The following GABBR2 variants were observed in gnomAD, a reference collection of about 807,000 sequenced individuals.
GABBR2 encodes gamma-aminobutyric acid type B receptor subunit 2.
A neutral mutation model predicts 105.6 loss-of-function variants in GABBR2; 23 were observed. The ratio of observed to expected loss-of-function variants is 0.22; its 90% CI spans 0.16 to 0.31. The LOEUF is 0.31. Among genes scored for constraint, GABBR2 ranks in the 10% least tolerant of loss-of-function variants. The pLI, the probability that GABBR2 is intolerant of heterozygous loss-of-function variation, is 1.00. For missense variants in GABBR2, 734 were observed against 1,245.5 expected, an observed-to-expected ratio of 0.59 and a Z score of 6.18; for synonymous variants, 478 against 499.7, an observed-to-expected ratio of 0.96 and a Z score of 0.58.
At chr9:98,587,106 G>A (rs1009201941) in intron 1 of GABBR2, among the ~76,000 whole-genome samples, 3 of 152,156 alleles carry the variant, frequency 2.0e-5, no homozygotes, top group African/African-American at 7.2e-5. Context: ...AGTCTTGTGG[G>A]TATTTGATAT....
At chr9:98,360,757 C>A (rs545550528) in intron 13 of GABBR2, among the ~76,000 whole-genome samples, 1 of 152,202 alleles carries the variant, frequency 6.6e-6, no homozygotes, top group East Asian at 1.9e-4. Context: ...CTTGTTTAAA[C>A]GGTCCAGTAG....
At chr9:98,539,073 G>C (rs947114918) in intron 3 of GABBR2, among the ~76,000 whole-genome samples, 7 of 152,216 alleles carry the variant, frequency 4.6e-5, no homozygotes, top group Non-Finnish European at 8.8e-5. Flanking sequence ...GTCAAGACCT[G>C]AGATTACCCA....
At chr9:98,701,686 G>T (rs138910062) in intron 1 of GABBR2, among the ~76,000 whole-genome samples, 4 of 152,088 alleles carry the variant, frequency 2.6e-5, no homozygotes, top group Non-Finnish European at 5.9e-5. Context: ...GGGAGAAAGT[G>T]ACAAACAACT....
At chr9:98,706,893 A>T (rs1444421170) in intron 1 of GABBR2, among the ~76,000 whole-genome samples, 1 of 152,194 alleles carries the variant, frequency 6.6e-6, no homozygotes, top group Non-Finnish European at 1.5e-5. Context: ...CCCCCACAGA[A>T]CTTGAGATGC....
At chr9:98,631,959 A>C (rs543478100) in intron 1 of GABBR2, among the ~76,000 whole-genome samples, 1 of 152,234 alleles carries the variant, frequency 6.6e-6, no homozygotes, top group African/African-American at 2.4e-5. Context: ...GAGGTTATGA[A>C]GCTGAATTAG....
intron 5 of GABBR2, among the ~76,000 whole-genome samples, chr9:98,478,605 T>C (rs950882155): frequency 6.6e-6 from 1 of 152,060 alleles, no homozygotes; most frequent in Non-Finnish European, 1.5e-5. Context: ...CCCCGTACCA[T>C]GTGGAAGGCA....
At chr9:98,467,475 G>A (rs986476335) in intron 6 of GABBR2, among the ~76,000 whole-genome samples, 4 of 152,202 alleles carry the variant, frequency 2.6e-5, no homozygotes, top group African/African-American at 9.7e-5. Context: ...GGGGGGTAGG[G>A]GAGAGAGCAG....
intron 13 of GABBR2, among the ~76,000 whole-genome samples, chr9:98,320,620 C>A (rs1395909431): frequency 6.6e-6 from 1 of 152,148 alleles, no homozygotes; most frequent in Non-Finnish European, 1.5e-5. Context: ...AAATGTGGCA[C>A]ATATACACCA....
intron 7 of GABBR2, among the ~76,000 whole-genome samples, chr9:98,439,723 T>C (rs1262919399): frequency 1.3e-5 from 2 of 152,156 alleles, no homozygotes; most frequent in African/African-American, 4.8e-5. Context: ...AAGCAGCTGG[T>C]TGGGGACCCA....
At chr9:98,446,670 C>A (rs1025697297) in intron 7 of GABBR2, among the ~76,000 whole-genome samples, 2 of 151,508 alleles carry the variant, frequency 1.3e-5, no homozygotes, top group Middle Eastern at 3.4e-3. Context: ...ACATGAGGTA[C>A]AGAGAAAGTT....
In GABBR2 at chr9:98,515,208, A is replaced by G. The variant is rs569385103; in HGVS notation, c.631-18694T>C. 3.3e-5 allele frequency among the ~76,000 whole-genome samples: 5 copies of G among 152,278 alleles called. 1 individual carries two copies. In the South Asian group the frequency reaches 1.0e-3, roughly 32 times the overall value. On this transcript the variant is annotated intron_variant, in intron 3 of 18. Coordinates refer to ENST00000259455, the MANE Select transcript of GABBR2 (RefSeq NM_005458.8). ...AGACGAGACTGCTGCATCTCCAAGG[A>G]ACGTCTCAAATTCTCAAACCTGAGA... is the stretch of plus-strand genomic sequence containing the variant.
intron 1 of GABBR2, among the ~76,000 whole-genome samples, chr9:98,638,569 C>T (rs1453681069): frequency 1.3e-5 from 2 of 152,016 alleles, no homozygotes; most frequent in Non-Finnish European, 2.9e-5. Flanking sequence ...ATACAAAAAC[C>T]CACCAAGAGT....
At chr9:98,403,985 T>C (rs554815481) in intron 8 of GABBR2, among the ~76,000 whole-genome samples, 9 of 152,170 alleles carry the variant, frequency 5.9e-5, no homozygotes, top group African/African-American at 2.2e-4. Context: ...AGCTCTGAAC[T>C]GCTGTTTGCT....
At chr9:98,618,520 C>G (rs1297533448) in intron 1 of GABBR2, among the ~76,000 whole-genome samples, 4 of 147,556 alleles carry the variant, frequency 2.7e-5, no homozygotes, top group South Asian at 2.2e-4. Flanking sequence ...CTCTCTCTCT[C>G]TGTCTCTCTG....
intron 3 of GABBR2, among the ~76,000 whole-genome samples, chr9:98,520,593 C>G (rs780019681): frequency 6.6e-6 from 1 of 152,244 alleles, no homozygotes; most frequent in African/African-American, 2.4e-5. Flanking sequence ...CGTCTGCTGA[C>G]TCACCCAGGA....
intron 15 of GABBR2, among the ~76,000 whole-genome samples, chr9:98,305,609 G>A (rs1301136863): frequency 6.6e-6 from 1 of 152,210 alleles, no homozygotes; most frequent in Non-Finnish European, 1.5e-5. Context: ...GAGCCCAGGA[G>A]TCCAAGACCA....
At chr9:98,325,536 C>G (rs565689505) in intron 13 of GABBR2, among the ~76,000 whole-genome samples, 2 of 152,224 alleles carry the variant, frequency 1.3e-5, no homozygotes, top group African/African-American at 4.8e-5. Context: ...AGGTGATCTA[C>G]CCATCTCGGT....
intron 6 of GABBR2, among the ~76,000 whole-genome samples, chr9:98,464,282 C>T (rs192546490): frequency 5.0e-4 from 75 of 150,432 alleles, no homozygotes; most frequent in African/African-American, 1.6e-3. Context: ...TCTTCCCGGC[C>T]GCCCCGTCTG....
chr9:98,501,125 G>GCC lies in GABBR2; in HGVS notation c.631-4613_631-4612dup, dbSNP rs5899345. Among the ~76,000 whole-genome samples, 230 of 119,212 alleles carry GCC rather than the reference G, an allele frequency of 1.9e-3. 1 individual carries two copies. The highest frequency in any genetic ancestry group is 8.8e-3 in the South Asian group (29 of 3,300). 78.2% of individuals were successfully genotyped at this position (119,212 alleles called of 152,430 possible). ...AGGGTGATTAAGACTAGGAACCACTGCCCCCCCCCCTTCCCCGCCCCCTGC... is the reference window on the plus strand; with the variant it reads ...AGGGTGATTAAGACTAGGAACCACTGCCCCCCCCCCCCTTCCCCGCCCCCTGC... On this transcript the variant is annotated intron_variant, in intron 3 of 18. Transcript: ENST00000259455.
Sources: allele counts gnomAD v4.1 joint callset (sites outside exome capture counted in the v4.1 genomes callset), GRCh38; gene constraint gnomAD v4.1.1; transcripts MANE v1.5; gene names NCBI Gene and HGNC (gene_info 2026-07-23, HGNC 2026-07-21).